The following SGCZ variants were observed in gnomAD, a reference collection of about 807,000 sequenced individuals.
SGCZ encodes sarcoglycan zeta, also known as zeta-sarcoglycan.
A neutral mutation model predicts 41.3 loss-of-function variants in SGCZ; 40 were observed. That is an observed-to-expected ratio of 0.97 (90% CI 0.75 to 1.26). The LOEUF (loss-of-function observed/expected upper bound fraction) is 1.26. Ranked by LOEUF, SGCZ falls within the 50% of genes most tolerant of loss-of-function variation. The probability of loss-of-function intolerance (pLI) is 0.00; values close to 1 mark genes in which losing one functional copy is unlikely to be tolerated. For missense variants in SGCZ, 552 were observed against 369.8 expected (o/e 1.49, Z -4.04); for synonymous variants, 206 against 137.5 (o/e 1.50, Z -3.49).
intron 1 of SGCZ, among the ~76,000 whole-genome samples, chr8:14,625,274 T>C (rs1806417422): frequency 6.6e-6 from 1 of 152,212 alleles, no homozygotes; most frequent in Non-Finnish European, 1.5e-5. Flanking sequence ...TCTTTATAAC[T>C]GATTACTGTT....
intron 2 of SGCZ, among the ~76,000 whole-genome samples, chr8:14,416,306 T>C (rs935021873): frequency 1.3e-5 from 2 of 151,944 alleles, no homozygotes; most frequent in African/African-American, 4.8e-5. Context: ...GAGCAGCTGT[T>C]GTCCTGTAGA....
intron 1 of SGCZ, among the ~76,000 whole-genome samples, chr8:14,922,228 T>G (rs1799609098): frequency 6.6e-6 from 1 of 151,910 alleles, no homozygotes; most frequent in Admixed American, 6.6e-5. Flanking sequence ...CGACTGTCCT[T>G]CCTTGTGAAA....
chr8:14,516,842 G>C (rs1454017191), intron 2 of SGCZ, among the ~76,000 whole-genome samples: 1 of 151,966 alleles, frequency 6.6e-6, no homozygotes, highest in Non-Finnish European at 1.5e-5. Flanking sequence ...TATAAATTGA[G>C]GGAACTTTTT....
intron 1 of SGCZ, among the ~76,000 whole-genome samples, chr8:15,230,699 T>C (rs1801913485): frequency 6.6e-6 from 1 of 152,178 alleles, no homozygotes; most frequent in African/African-American, 2.4e-5. Context: ...AGTCTACAGT[T>C]CTTGCCATGG....
intron 1 of SGCZ, among the ~76,000 whole-genome samples, chr8:14,776,397 C>T (rs73201219): frequency 0.15 from 23,254 of 152,072 alleles, 1,971 homozygotes; most frequent in Middle Eastern, 0.2. Context: ...TGGGCCTTTG[C>T]TTCCCCTCTG....
chr8:14,427,067 A>AAT (rs1799806430), intron 2 of SGCZ, among the ~76,000 whole-genome samples: 7 of 96,916 alleles, frequency 7.2e-5, no homozygotes, highest in East Asian at 2.2e-4. Flanking sequence ...TGAATGAATG[A>AAT]GTGAATGAAC....
chr8:14,904,450 A>G, intron 1 of SGCZ, among the ~76,000 whole-genome samples: 2 of 152,102 alleles, frequency 1.3e-5, no homozygotes, highest in East Asian at 3.8e-4. Flanking sequence ...TGTAAACTAG[A>G]AGCATAATTT....
intron 2 of SGCZ, among the ~76,000 whole-genome samples, chr8:14,406,485 G>C (rs756762814): frequency 1.3e-5 from 2 of 152,122 alleles, no homozygotes; most frequent in Non-Finnish European, 2.9e-5. Flanking sequence ...TGCTTAAATC[G>C]TAGCTGGAAT....
chr8:14,513,417 A>G (rs1802521660), intron 2 of SGCZ, among the ~76,000 whole-genome samples: 1 of 152,066 alleles, frequency 6.6e-6, no homozygotes, highest in South Asian at 2.1e-4. Flanking sequence ...TCAAAGACCA[A>G]AATAAAAGAG....
At chr8:14,883,912 G>A (rs1280429264) in intron 1 of SGCZ, among the ~76,000 whole-genome samples, 1 of 151,202 alleles carries the variant, frequency 6.6e-6, no homozygotes, top group Non-Finnish European at 1.5e-5. Context: ...GTTTACTGAA[G>A]TAAGAATTTG....
intron 2 of SGCZ, among the ~76,000 whole-genome samples, chr8:14,435,985 T>A (rs1219501742): frequency 6.6e-6 from 1 of 152,160 alleles, no homozygotes; most frequent in Admixed American, 6.5e-5. Flanking sequence ...TAGGACCAGC[T>A]AGGTATGGGG....
chr8:14,736,649 C>T (rs12216774), intron 1 of SGCZ, among the ~76,000 whole-genome samples: 1 of 151,584 alleles, frequency 6.6e-6, no homozygotes, highest in Admixed American at 6.6e-5. Context: ...CGCTCAAGTC[C>T]CCAGAGTCCA....
intron 1 of SGCZ, among the ~76,000 whole-genome samples, chr8:14,971,618 G>C (rs1305983210): frequency 6.8e-6 from 1 of 147,776 alleles, no homozygotes; most frequent in Non-Finnish European, 1.5e-5. Flanking sequence ...ATCTCATGTG[G>C]TCATGAGGCA....
At position 14,102,492 on chromosome 8, in the gene SGCZ, A is replaced by C; in HGVS notation, c.628T>G (p.Ser210Ala). The change falls in exon 7 of 8, where the codon TCA becomes GCA. Residue 210 changes from serine to alanine, a missense_variant. Ser to Ala is a moderately conservative substitution (Grantham distance 99, BLOSUM62 1). Transcript: ENST00000382080. ...TCCATGATCAAGGATCTGGTGGGTG[A>C]TTCAAGCCTAAGGGAAAAACAAAAA... ...AEPSQDLRLE[S>A]PTRSLIMEAP... 1 of 1,423,856 alleles carries C rather than the reference A, an allele frequency of 7.0e-7. No individual in the cohort carries two copies. Among genetic ancestry groups the C allele is most frequent in the Non-Finnish European group, 9.3e-7 (1 of 1,072,486 alleles). The allele number at this position is 1,423,856 out of a possible 1,614,324, so 88.2% of individuals were successfully genotyped here. A position where few individuals can be genotyped will look rare whatever the true frequency, so the allele number is the denominator to read the frequency against.
At chr8:15,090,458 C>A (rs1224194389) in intron 1 of SGCZ, among the ~76,000 whole-genome samples, 1 of 152,170 alleles carries the variant, frequency 6.6e-6, no homozygotes, top group Non-Finnish European at 1.5e-5. Flanking sequence ...GAACAAAGAG[C>A]TCTAAGTCAT....
chr8:14,521,481 AT>A (rs1213763196), intron 2 of SGCZ, among the ~76,000 whole-genome samples: 3 of 152,148 alleles, frequency 2.0e-5, no homozygotes, highest in Admixed American at 6.6e-5. Flanking sequence ...AGTTAAAAAA[AT>A]AGTTCATTCC....
At chr8:14,338,942 G>C (rs940124233) in intron 2 of SGCZ, among the ~76,000 whole-genome samples, 2 of 152,274 alleles carry the variant, frequency 1.3e-5, no homozygotes, top group Middle Eastern at 3.4e-3. Flanking sequence ...GCCTGGACAA[G>C]TGCACAGACA....
chr8:14,908,207 A>G (rs907203523), intron 1 of SGCZ, among the ~76,000 whole-genome samples: 3 of 152,184 alleles, frequency 2.0e-5, no homozygotes, highest in Non-Finnish European at 4.4e-5. Flanking sequence ...ATTATGGCAA[A>G]TTTCTCTAAA....
At chr8:14,894,019 T>C (rs571280255) in intron 1 of SGCZ, among the ~76,000 whole-genome samples, 5 of 152,176 alleles carry the variant, frequency 3.3e-5, no homozygotes, top group Admixed American at 6.6e-5. Flanking sequence ...GACTGGTGAA[T>C]GGCTTTTTTC....
Sources: allele counts gnomAD v4.1 joint callset (sites outside exome capture counted in the v4.1 genomes callset), GRCh38; gene constraint gnomAD v4.1.1; transcripts MANE v1.5; gene names NCBI Gene and HGNC (gene_info 2026-07-23, HGNC 2026-07-21).